Variants in WDR11 observed in about 807,000 individuals in gnomAD.
WDR11 encodes WD repeat-containing protein 11.
In WDR11, 83 loss-of-function variants were observed where a neutral mutation model predicts 151.2. The ratio of observed to expected loss-of-function variants is 0.55; its 90% CI spans 0.46 to 0.66. The LOEUF (loss-of-function observed/expected upper bound fraction) is 0.66, where lower values mean the gene tolerates loss of function less well. Ranked by LOEUF, WDR11 falls within the 30% of genes least tolerant of loss-of-function variation. The probability of loss-of-function intolerance (pLI) is 0.00; values close to 1 mark genes in which losing one functional copy is unlikely to be tolerated. For missense variants in WDR11, 1,301 were observed against 1,480.9 expected (o/e 0.88, Z 1.99); for synonymous variants, 484 against 533.1 (o/e 0.91, Z 1.27).
chr10:120,853,193 G>C (rs1381196402), intron 2 of WDR11, among the ~76,000 whole-genome samples: 1 of 152,130 alleles, frequency 6.6e-6, no homozygotes, highest in Non-Finnish European at 1.5e-5. Flanking sequence ...GACACTTGTA[G>C]GAGTGATGAA....
intron 13 of WDR11, 32 bp downstream of exon 13, chr10:120,880,933 G>T (rs552146986): frequency 1.3e-6 from 2 of 1,549,712 alleles, no homozygotes; most frequent in Non-Finnish European, 1.8e-6. Flanking sequence ...AATCTATGGT[G>T]TTATCACAAT....
chr10:120,878,560 T>A, intron 12 of WDR11, 101 bp downstream of exon 12: 3 of 911,168 alleles, frequency 3.3e-6, no homozygotes, highest in East Asian at 5.3e-5. Flanking sequence ...GAATTTTTTT[T>A]TATATTTCAT....
At chr10:120,874,193 G>GTTTTTTTTTTTTTTTTTTTTTTT (rs1554854855) in intron 11 of WDR11, among the ~76,000 whole-genome samples, 1 of 75,332 alleles carries the variant, frequency 1.3e-5, no homozygotes, top group African/African-American at 4.6e-5. Context: ...TTTTTTTTTT[G>GTTTTTTTTTTTTTTTTTTTTTTT]TTGTTGTTGT....
intron 2 of WDR11, among the ~76,000 whole-genome samples, chr10:120,853,535 G>T (rs1292483301): frequency 1.3e-5 from 2 of 152,126 alleles, no homozygotes; most frequent in African/African-American, 4.8e-5. Context: ...AAAGTGCTGG[G>T]ATTACAGGTG....
intron 19 of WDR11, 56 bp downstream of exon 19, chr10:120,890,943 T>C (rs1393213623): frequency 4.4e-6 from 7 of 1,573,616 alleles, no homozygotes; most frequent in Middle Eastern, 1.8e-4. Context: ...TGCCACAAGC[T>C]CTTGTATTTT....
chr10:120,890,275 C>T lies in WDR11; in HGVS notation c.2343+266C>T, dbSNP rs533954516. Among the ~76,000 whole-genome samples the T allele has an allele frequency of 3.9e-5, 6 of 152,164 alleles. No individual in the cohort carries two copies. In the East Asian group the frequency reaches 5.8e-4, roughly 15 times the overall value. ...TCGCCCAGGCTGGAGTGCAATGGCGCGATCTCGACTTATTGCAGCCTCCAC... is the reference window on the plus strand; with the variant it reads ...TCGCCCAGGCTGGAGTGCAATGGCGTGATCTCGACTTATTGCAGCCTCCAC... On this transcript the variant is annotated intron_variant, in intron 18 of 28. Transcript: ENST00000263461.
chr10:120,890,493 C>T (rs928454434), intron 18 of WDR11, among the ~76,000 whole-genome samples: 10 of 152,192 alleles, frequency 6.6e-5, no homozygotes, highest in Admixed American at 3.9e-4. Context: ...GGATTATAGG[C>T]GTCAGCCACC....
Position 120,862,904 on chromosome 10 carries a change from C to A in WDR11, c.696C>A (p.Ile232=). 1 of 1,611,606 alleles carries A rather than the reference C, an allele frequency of 6.2e-7. No homozygotes were observed. Residue 232 remains isoleucine (I), a synonymous_variant, in exon 5 of 29, where the codon ATC becomes ATA. Coordinates refer to ENST00000263461, the MANE Select transcript of WDR11 (RefSeq NM_018117.12). ...KKALNKVKIL[I]TQEKPSAEFI... ...CTCTAAATAAAGTAAAAATTTTAAT[C>A]ACTCAAGAGAAACCTAGGTAAGTTA...
intron 10 of WDR11, 38 bp from the exon 11 acceptor site, chr10:120,873,801 C>T (rs756835156): frequency 7.2e-6 from 10 of 1,380,282 alleles, no homozygotes; most frequent in Non-Finnish European, 7.2e-6. Context: ...CTGGAACTCC[C>T]ACTGAATTAA....
At chr10:120,884,890 G>A (rs1847161025) in intron 14 of WDR11, 1 of 152,212 alleles carries the variant, frequency 6.6e-6, no homozygotes. Context: ...TTCAAACCAT[G>A]ATATGGATCT....
chr10:120,851,893 G>A (rs1376395287), intron 1 of WDR11: 2 of 334,126 alleles, frequency 6.0e-6, no homozygotes, highest in Non-Finnish European at 5.7e-6. Context: ...TTGTATTCCT[G>A]TTGTCTTTCA....
chr10:120,898,264 C>T (rs967929132), intron 19 of WDR11, among the ~76,000 whole-genome samples: 1 of 152,094 alleles, frequency 6.6e-6, no homozygotes, highest in African/African-American at 2.4e-5. Context: ...GAATTGCCCT[C>T]AAAATTTATA....
In WDR11 at chr10:120,905,837, G is replaced by A. The variant is rs7096780; in HGVS notation, c.3292-39G>A. 2,110 of 1,614,088 alleles carry A rather than the reference G, an allele frequency of 1.3e-3. 29 individuals are homozygous for A. In the African/African-American group the frequency reaches 0.025, roughly 19 times the overall value. ...AATTATTATTTTTTCTTTATAGAGT[G>A]CAGGATGTTTTTGTTGTTAACACAG... On this transcript the variant is annotated intron_variant, in intron 26 of 28. Coordinates refer to ENST00000263461, the MANE Select transcript of WDR11 (RefSeq NM_018117.12).
intron 21 of WDR11, 58 bp from the exon 22 acceptor site, chr10:120,902,199 A>C (rs1019755206): frequency 7.5e-5 from 106 of 1,407,732 alleles, no homozygotes; most frequent in Non-Finnish European, 9.7e-5. Context: ...ATCAACCCCC[A>C]TGCTTTATTG....
In WDR11 at chr10:120,908,841, T is replaced by TAAGA. The variant is rs71019801; in HGVS notation, c.*129_*132dup. 337,787 of 982,224 alleles carry TAAGA rather than the reference T, an allele frequency of 0.34. 61,689 individuals are homozygous for TAAGA. Among genetic ancestry groups the TAAGA allele is most frequent in the Admixed American group, 0.49 (25,706 of 52,802 alleles). The allele number at this position is 982,224 out of a possible 1,614,324, so 60.8% of individuals were successfully genotyped here. A position where few individuals can be genotyped will look rare whatever the true frequency, so the allele number is the denominator to read the frequency against. On this transcript the variant is annotated 3_prime_UTR_variant, in exon 29 of 29. Coordinates refer to ENST00000263461, the MANE Select transcript of WDR11 (RefSeq NM_018117.12). ...CCTGTGAGCTGTTTGACCACTGTTC[T>TAAGA]AAGACTATGTGTGCCCAAAAGCACA...
rs546052655 is a variant in WDR11, at chr10:120,852,026, C to A, written c.87-498C>A. On this transcript the variant is annotated intron_variant, in intron 1 of 28. Coordinates refer to ENST00000263461, the MANE Select transcript of WDR11 (RefSeq NM_018117.12). ...GGTCGTCTTTATTACTCTCTCCTTT[C>A]ACTATAAATTACTACTGCAGCTCTG... 1.3e-4 allele frequency: 28 copies of A among 217,548 alleles called. No homozygotes were observed. The East Asian group carries it at 3.1e-3, about 24-fold the overall frequency. The allele number at this position is 217,548 out of a possible 1,614,324, so 13.5% of individuals were successfully genotyped here.
At chr10:120,874,894 C>T (rs34352032) in intron 11 of WDR11, among the ~76,000 whole-genome samples, 23,730 of 151,782 alleles carry the variant, frequency 0.16, 2,418 homozygotes, top group East Asian at 0.34. Context: ...GTTTGCTGCA[C>T]CTGTCAACCC....
At chr10:120,903,286 T>C in intron 23 of WDR11, 54 bp downstream of exon 23, 4 of 1,594,332 alleles carry the variant, frequency 2.5e-6, no homozygotes, top group Non-Finnish European at 3.4e-6. Flanking sequence ...ATTACTTATA[T>C]CTTTGTCAAT....
At position 120,882,789 on chromosome 10, in the gene WDR11, TTCTC is replaced by T. The variant is rs563827746; in HGVS notation, c.1740-989_1740-986del. Among the ~76,000 whole-genome samples, 344 of 152,218 alleles carry T rather than the reference TTCTC, an allele frequency of 2.3e-3. 3 individuals are homozygous for T. The highest frequency in any genetic ancestry group is 8.0e-3 in the African/African-American group (332 of 41,584). ...AAACTACTTTTGATTCATTTGATTC[TTCTC>T]TATGATTTTTCCATTTTCAATTTCA... On this transcript the variant is annotated intron_variant, in intron 13 of 28. Coordinates refer to ENST00000263461, the MANE Select transcript of WDR11 (RefSeq NM_018117.12).
Sources: gnomAD v4.1 joint callset for allele counts (sites outside exome capture counted in the v4.1 genomes callset) on GRCh38, gnomAD v4.1.1 for gene constraint, MANE v1.5 for transcripts, NCBI Gene and HGNC (gene_info 2026-07-23, HGNC 2026-07-21) for gene names.